The following SCN8A variants were observed in gnomAD, a reference collection of about 807,000 sequenced individuals.
SCN8A encodes the protein sodium voltage-gated channel alpha subunit 8.
Under a neutral mutation model 184.1 loss-of-function variants are expected in SCN8A, and 30 were observed. That is an observed-to-expected ratio of 0.16 (90% CI 0.12 to 0.22). The LOEUF is 0.22. Ranked by LOEUF, SCN8A falls within the 10% of genes least tolerant of loss-of-function variation. The pLI, the probability that SCN8A is intolerant of heterozygous loss-of-function variation, is 1.00. For synonymous variants in SCN8A, 852 were observed against 907.0 expected, an observed-to-expected ratio of 0.94 and a Z score of 1.09; for missense variants, 1,057 against 2,498.9, an observed-to-expected ratio of 0.42 and a Z score of 12.30.
intron 1 of SCN8A, among the ~76,000 whole-genome samples, chr12:51,596,453 A>G (rs549961408): frequency 5.9e-5 from 9 of 152,216 alleles, no homozygotes; most frequent in African/African-American, 1.9e-4. Context: ...AGGTTGGTCG[A>G]CTCATGTTTA....
chr12:51,633,180 A>G (rs1461858877), intron 1 of SCN8A, among the ~76,000 whole-genome samples: 1 of 152,234 alleles, frequency 6.6e-6, no homozygotes, highest in Non-Finnish European at 1.5e-5. Flanking sequence ...GTGGTGGATC[A>G]GAATCCCCAC....
At chr12:51,683,655 A>G (rs1224432584) in intron 2 of SCN8A, among the ~76,000 whole-genome samples, 2 of 152,176 alleles carry the variant, frequency 1.3e-5, no homozygotes, top group Non-Finnish European at 2.9e-5. Context: ...TCCTTTTCCC[A>G]TAGCACTTGT....
chr12:51,596,422 G>GTC (rs1939350954), intron 1 of SCN8A, among the ~76,000 whole-genome samples: 2 of 152,320 alleles, frequency 1.3e-5, no homozygotes, highest in South Asian at 4.1e-4. Context: ...TATCTAACTG[G>GTC]TGTAGTGGAG....
At position 51,686,172 on chromosome 12, in the gene SCN8A, C is replaced by T. The variant is rs750426669; in HGVS notation, c.396-196C>T. 4.1e-4 allele frequency among the ~76,000 whole-genome samples: 62 copies of T among 152,222 alleles called. 1 individual carries two copies. The highest frequency in any genetic ancestry group is 4.7e-4 in the Non-Finnish European group (32 of 68,038). ...AGGAGAATAGCTGTCCTTCCCCATCCATCCACAGTTCACAGTGGCATGCTG... is the reference window on the plus strand; with the variant it reads ...AGGAGAATAGCTGTCCTTCCCCATCTATCCACAGTTCACAGTGGCATGCTG... On this transcript the variant is annotated intron_variant, in intron 3 of 26. Coordinates refer to ENST00000627620, the MANE Select transcript of SCN8A (RefSeq NM_001330260.2).
intron 10 of SCN8A, among the ~76,000 whole-genome samples, 151 bp downstream of exon 10, chr12:51,705,774 G>T (rs1004084886): frequency 6.6e-6 from 1 of 152,186 alleles, no homozygotes; most frequent in African/African-American, 2.4e-5. Context: ...AACTGCAGAT[G>T]GTTGCTCCAA....
chr12:51,653,487 G>T (rs576389244), intron 1 of SCN8A, among the ~76,000 whole-genome samples: 18 of 152,142 alleles, frequency 1.2e-4, no homozygotes, highest in Non-Finnish European at 1.9e-4. Context: ...CCTCCATGTT[G>T]TAGCATGTGT....
intron 3 of SCN8A, among the ~76,000 whole-genome samples, chr12:51,685,138 T>G (rs1261736849): frequency 6.6e-6 from 1 of 152,198 alleles, no homozygotes; most frequent in Non-Finnish European, 1.5e-5. Flanking sequence ...ATCTGTAGTT[T>G]AGAAGCAACA....
intron 5 of SCN8A, chr12:51,688,699 C>A (rs1393270592): frequency 3.3e-6 from 4 of 1,211,664 alleles, no homozygotes; most frequent in South Asian, 1.2e-5. Context: ...TTCTTCCCCC[C>A]ATTCTCAAAC....
In SCN8A at chr12:51,662,879, C is replaced by A; in HGVS notation, c.62C>A (p.Ser21Ter). The change falls in exon 2 of 27, where the codon TCA (serine) becomes TAA (stop). Residue 21 changes from serine (S) to a stop codon, truncating the protein, a stop_gained. Transcript: ENST00000627620. LOFTEE classifies it high-confidence loss of function. ...AGTTTCAAGCCTTTCACCCCTGAGT[C>A]ACTGGCAAACATTGAGAGGCGCATT... ...PDSFKPFTPE[S>*]LANIERRIAE... 6.2e-7 allele frequency: 1 copy of A among 1,613,998 alleles called. No homozygotes were observed. Among genetic ancestry groups the A allele is most frequent in the South Asian group, 1.1e-5 (1 of 91,074 alleles).
intron 1 of SCN8A, among the ~76,000 whole-genome samples, chr12:51,595,172 G>A (rs1033665749): frequency 1.3e-5 from 2 of 152,084 alleles, no homozygotes; most frequent in Admixed American, 6.6e-5. Flanking sequence ...GCGAGCACCC[G>A]CTTAAAAAAT....
rs889772330 is a variant in SCN8A at position 51,772,208 on chromosome 12, C to T, written c.3645+1525C>T. Among the ~76,000 whole-genome samples, 5 of 152,004 alleles carry T rather than the reference C, an allele frequency of 3.3e-5. No individual in the cohort carries two copies. In the East Asian group the frequency reaches 5.9e-4, roughly 18 times the overall value. On this transcript the variant is annotated intron_variant, in intron 19 of 26. Coordinates refer to ENST00000627620, the MANE Select transcript of SCN8A (RefSeq NM_001330260.2). ...GTTGGGAGTTCGAGACCAGCCTGAC[C>T]GATATGGAGAAACCACGTCTCTAGT...
intron 2 of SCN8A, among the ~76,000 whole-genome samples, chr12:51,673,765 G>A (rs1482853266): frequency 6.6e-6 from 1 of 152,090 alleles, no homozygotes; most frequent in African/African-American, 2.4e-5. Flanking sequence ...CGGATCTCAG[G>A]GTCCAGTGAG....
chr12:51,707,962 C>A (rs1456749959), intron 11 of SCN8A, among the ~76,000 whole-genome samples: 2 of 152,144 alleles, frequency 1.3e-5, no homozygotes, highest in Non-Finnish European at 2.9e-5. Flanking sequence ...GGAAGTGTTA[C>A]CAGCACATTT....
rs949350135 is a variant in SCN8A at position 51,780,924 on chromosome 12, G to A, written c.3942+153G>A. ...CCACTCTCTCCCCCACACCTGCCCC[G>A]TGCAAAGGGGAATTGCGTTAAGCTG... On this transcript the variant is annotated intron_variant, in intron 21 of 26. Coordinates refer to ENST00000627620, the MANE Select transcript of SCN8A (RefSeq NM_001330260.2). 2.6e-5 allele frequency among the ~76,000 whole-genome samples: 4 copies of A among 151,978 alleles called. No individual in the cohort carries two copies. The East Asian group carries it at 7.7e-4, about 29-fold the overall frequency.
At chr12:51,772,616 G>C (rs139221891) in intron 19 of SCN8A, among the ~76,000 whole-genome samples, 1 of 152,056 alleles carries the variant, frequency 6.6e-6, no homozygotes, top group Non-Finnish European at 1.5e-5. Flanking sequence ...ATTGAGCAAA[G>C]GGGATTTATT....
At chr12:51,640,408 T>C (rs1940427179) in intron 1 of SCN8A, among the ~76,000 whole-genome samples, 1 of 151,840 alleles carries the variant, frequency 6.6e-6, no homozygotes, top group South Asian at 2.1e-4. Flanking sequence ...GCCTGAGGTA[T>C]GCCTGTACTT....
chr12:51,720,206 C>A (rs1246609736), intron 11 of SCN8A, among the ~76,000 whole-genome samples: 1 of 148,348 alleles, frequency 6.7e-6, no homozygotes, highest in African/African-American at 2.5e-5. Flanking sequence ...GAATTATATA[C>A]TTTACAACTA....
At position 51,751,719 on chromosome 12, in the gene SCN8A, C is replaced by G. The variant is rs942257212; in HGVS notation, c.2370+126C>G. Reference sequence around the variant, plus strand: ...GTAATAGTTAATTGGAAGACAAATGCTTCCACATATGCCAGGACACCAGCT... The same window carrying G: ...GTAATAGTTAATTGGAAGACAAATGGTTCCACATATGCCAGGACACCAGCT... On this transcript the variant is annotated intron_variant, in intron 14 of 26. Coordinates refer to ENST00000627620, the MANE Select transcript of SCN8A (RefSeq NM_001330260.2). 3 of 700,410 alleles carry G rather than the reference C, an allele frequency of 4.3e-6. No individual in the cohort carries two copies. In the African/African-American group the frequency reaches 5.4e-5, roughly 13 times the overall value. The allele number at this position is 700,410 out of a possible 1,614,324, so 43.4% of individuals were successfully genotyped here.
chr12:51,760,384 A>G (rs1421483390), intron 14 of SCN8A, among the ~76,000 whole-genome samples: 6 of 152,192 alleles, frequency 3.9e-5, no homozygotes, highest in African/African-American at 1.4e-4. Context: ...TCTGTCACAG[A>G]CAATTTCTAA....
Sources: allele counts gnomAD v4.1 joint callset (sites outside exome capture counted in the v4.1 genomes callset), GRCh38; gene constraint gnomAD v4.1.1; transcripts MANE v1.5; gene names NCBI Gene and HGNC (gene_info 2026-07-23, HGNC 2026-07-21).